The following MARK1 variants were observed in gnomAD, a reference collection of about 807,000 sequenced individuals.
The protein encoded by MARK1 is serine/threonine-protein kinase MARK1.
MARK1 carries 40 observed loss-of-function variants against 96.3 expected under a neutral mutation model. The observed-to-expected ratio is 0.42, with a 90% CI of 0.32 to 0.54. The LOEUF is 0.54. MARK1 is among the 20% of genes least tolerant of loss of function. MARK1 has a pLI of 0.16. For missense variants in MARK1, 719 were observed against 984.6 expected (o/e 0.73, Z 3.61); for synonymous variants, 317 against 341.2 (o/e 0.93, Z 0.78).
Position 220,618,866 on chromosome 1 carries a change from C to T in MARK1, c.909+111C>T. ...TAGGAAAATTGCCAAATTATCTAAT[C>T]TGCCTTTTGTTTGTAGGTAGGGAAA... On this transcript the variant is annotated intron_variant, in intron 9 of 17. Transcript: ENST00000366917. The surrounding 1 kb of genome is among the most constrained non-coding windows in gnomAD (Gnocchi z 4.6). The T allele has an allele frequency of 1.1e-6, 1 of 945,106 alleles. No homozygotes were observed. 58.5% of individuals were successfully genotyped at this position (945,106 alleles called of 1,614,324 possible).
At chr1:220,564,543 C>T (rs984606271) in intron 1 of MARK1, among the ~76,000 whole-genome samples, 1 of 151,990 alleles carries the variant, frequency 6.6e-6, no homozygotes, top group Non-Finnish European at 1.5e-5. Flanking sequence ...AATTAGGTCT[C>T]GGATGGTACA....
chr1:220,650,579 A>ATATTTGTGGAAAGCCAAAGAAATG, intron 13 of MARK1, 41 bp from the exon 14 acceptor site: 1 of 1,288,780 alleles, frequency 7.8e-7, no homozygotes, highest in Non-Finnish European at 1.1e-6. Context: ...TTCCACAAAT[A>ATATTTGTGGAAAGCCAAAGAAATG]TATTTATAAT....
intron 16 of MARK1, among the ~76,000 whole-genome samples, chr1:220,655,418 CAG>C (rs1198634920): frequency 6.6e-6 from 1 of 152,184 alleles, no homozygotes; most frequent in African/African-American, 2.4e-5. Context: ...GACTCTGAAA[CAG>C]AACATGTTCA....
intron 14 of MARK1, among the ~76,000 whole-genome samples, 180 bp from the exon 15 acceptor site, chr1:220,651,806 A>G (rs1668893063): frequency 6.6e-6 from 1 of 152,206 alleles, no homozygotes; most frequent in Non-Finnish European, 1.5e-5. Flanking sequence ...TACTTTTCAT[A>G]AGAATATTAA....
chr1:220,639,770 A>G (rs983939603), intron 13 of MARK1, among the ~76,000 whole-genome samples: 1 of 152,188 alleles, frequency 6.6e-6, no homozygotes, highest in Admixed American at 6.5e-5. Context: ...TCCTTGGAAT[A>G]TATACATTTA....
At chr1:220,570,931 G>A (rs534098430) in intron 1 of MARK1, among the ~76,000 whole-genome samples, 1 of 152,044 alleles carries the variant, frequency 6.6e-6, no homozygotes, top group Non-Finnish European at 1.5e-5. Context: ...GGTTTTAGTG[G>A]CAATTTATTT....
chr1:220,663,296 C>T lies in MARK1; in HGVS notation c.*1130C>T, dbSNP rs1238334713. Reference sequence around the variant, plus strand: ...GGTTGTTCAGTTTGTTCCCATGTAACTCGTTTGTTTTAAATATTTTGCCAG... The same window carrying T: ...GGTTGTTCAGTTTGTTCCCATGTAATTCGTTTGTTTTAAATATTTTGCCAG... On this transcript the variant is annotated 3_prime_UTR_variant, in exon 18 of 18. Coordinates refer to ENST00000366917, the MANE Select transcript of MARK1 (RefSeq NM_018650.5). The T allele has an allele frequency of 6.6e-6, 1 of 152,478 alleles. No individual in the cohort carries two copies. The highest frequency in any genetic ancestry group is 1.5e-5 in the Non-Finnish European group (1 of 68,018). The allele number at this position is 152,478 out of a possible 1,614,324, so 9.4% of individuals were successfully genotyped here.
intron 1 of MARK1, among the ~76,000 whole-genome samples, chr1:220,574,938 T>C (rs1022325298): frequency 1.3e-5 from 2 of 152,202 alleles, no homozygotes; most frequent in African/African-American, 4.8e-5. Context: ...AGGTCTAATA[T>C]GTTATCTGAC....
intron 1 of MARK1, among the ~76,000 whole-genome samples, chr1:220,544,095 A>G (rs1661323797): frequency 6.6e-6 from 1 of 152,202 alleles, no homozygotes; most frequent in Non-Finnish European, 1.5e-5. Context: ...AGGTACATGC[A>G]TGTGGTTGTT....
At chr1:220,645,703 A>G (rs925149743) in intron 13 of MARK1, among the ~76,000 whole-genome samples, 5 of 152,194 alleles carry the variant, frequency 3.3e-5, no homozygotes, top group Non-Finnish European at 7.3e-5. Flanking sequence ...AAGCTTATCC[A>G]CTGCGATCAA....
intron 3 of MARK1, among the ~76,000 whole-genome samples, chr1:220,585,536 T>C (rs895879067): frequency 6.6e-6 from 1 of 152,168 alleles, no homozygotes; most frequent in Non-Finnish European, 1.5e-5. Context: ...GGGAAAGGGC[T>C]CAATGACATA....
chr1:220,577,584 A>G lies in MARK1; in HGVS notation c.52-1770A>G, dbSNP rs768966213. On this transcript the variant is annotated intron_variant, in intron 1 of 17. Coordinates refer to ENST00000366917, the MANE Select transcript of MARK1 (RefSeq NM_018650.5). ...ACCCTACCCCCAGAGTTTCATATTCAGTAGGTCTGGAATAAGACCAGAGAA... is the reference window on the plus strand; with the variant it reads ...ACCCTACCCCCAGAGTTTCATATTCGGTAGGTCTGGAATAAGACCAGAGAA... Among the ~76,000 whole-genome samples, 3 of 152,230 alleles carry G rather than the reference A, an allele frequency of 2.0e-5. 1 individual carries two copies. Among genetic ancestry groups the G allele is most frequent in the Admixed American group, 2.0e-4 (3 of 15,280 alleles).
intron 13 of MARK1, among the ~76,000 whole-genome samples, chr1:220,643,883 C>T (rs111871859): frequency 0.066 from 10,068 of 152,214 alleles, 400 homozygotes; most frequent in Middle Eastern, 0.15. Flanking sequence ...GATTTTGCCA[C>T]CACCAGGCCT....
chr1:220,583,675 G>C (rs1664397771), intron 3 of MARK1, among the ~76,000 whole-genome samples: 1 of 150,730 alleles, frequency 6.6e-6, no homozygotes, highest in South Asian at 2.1e-4. Flanking sequence ...TTGAGACAGA[G>C]TCTTGCTCTG....
At chr1:220,606,371 G>C (rs1355628104) in intron 6 of MARK1, among the ~76,000 whole-genome samples, 4 of 151,960 alleles carry the variant, frequency 2.6e-5, no homozygotes, top group African/African-American at 9.7e-5. Flanking sequence ...TGATGGGGTT[G>C]TTTGTTTTTT....
chr1:220,562,694 A>G (rs920352097), intron 1 of MARK1, among the ~76,000 whole-genome samples: 1 of 152,150 alleles, frequency 6.6e-6, no homozygotes, highest in Middle Eastern at 3.2e-3. Flanking sequence ...AAAAATTGAC[A>G]GATGCTTAAG....
chr1:220,617,511 A>G (rs1666820519), intron 7 of MARK1, among the ~76,000 whole-genome samples: 2 of 152,180 alleles, frequency 1.3e-5, no homozygotes, highest in African/African-American at 4.8e-5. Context: ...CTATCCATCC[A>G]TTGTAATAGA....
At chr1:220,537,773 G>A (rs1221697693) in intron 1 of MARK1, among the ~76,000 whole-genome samples, 1 of 151,392 alleles carries the variant, frequency 6.6e-6, no homozygotes, top group Non-Finnish European at 1.5e-5. Flanking sequence ...TTTAATGATT[G>A]CCATTCTAAC....
At chr1:220,656,075 A>G (rs1304037344) in intron 16 of MARK1, among the ~76,000 whole-genome samples, 2 of 152,192 alleles carry the variant, frequency 1.3e-5, no homozygotes, top group African/African-American at 2.4e-5. Context: ...ATAGGGAACA[A>G]CCCAGTTTGT....
Sources: allele counts gnomAD v4.1 joint callset (sites outside exome capture counted in the v4.1 genomes callset), GRCh38; gene constraint gnomAD v4.1.1; non-coding constraint Gnocchi (gnomAD v3.1); transcripts MANE v1.5; gene names NCBI Gene and HGNC (gene_info 2026-07-23, HGNC 2026-07-21).